HIVEP3: variants seen among roughly 807,000 people sequenced by gnomAD.
HIVEP3 encodes HIVEP zinc finger 3.
Under a neutral mutation model 152.8 loss-of-function variants are expected in HIVEP3, and 49 were observed. The ratio of observed to expected loss-of-function variants is 0.32; its 90% confidence interval spans 0.26 to 0.41. HIVEP3 has a LOEUF of 0.41. HIVEP3 is among the 10% of genes least tolerant of loss of function. The pLI, the probability that HIVEP3 is intolerant of heterozygous loss-of-function variation, is 1.00. For synonymous variants in HIVEP3, 1,269 were observed against 1,289.0 expected, an observed-to-expected ratio of 0.98 and a Z score of 0.33; for missense variants, 2,790 against 3,103.3, an observed-to-expected ratio of 0.90 and a Z score of 2.40.
At chr1:41,875,651 C>T (rs1380359823) in intron 1 of HIVEP3, among the ~76,000 whole-genome samples, 2 of 152,198 alleles carry the variant, frequency 1.3e-5, no homozygotes, top group African/African-American at 4.8e-5. Flanking sequence ...GCTGTGGGGC[C>T]TCCTTTCCCT....
chr1:41,940,268 G>C (rs1387849615), intron 1 of HIVEP3, among the ~76,000 whole-genome samples: 1 of 152,142 alleles, frequency 6.6e-6, no homozygotes, highest in Non-Finnish European at 1.5e-5. Context: ...TGATGAGTGA[G>C]TCATTAAGTT....
At chr1:41,723,725 A>G (rs1343669785) in intron 1 of HIVEP3, among the ~76,000 whole-genome samples, 1 of 152,246 alleles carries the variant, frequency 6.6e-6, no homozygotes, top group Non-Finnish European at 1.5e-5. Context: ...AATGATAAGT[A>G]ATAACTTTGT....
At chr1:41,724,130 T>C (rs1238635763) in intron 1 of HIVEP3, among the ~76,000 whole-genome samples, 1 of 152,202 alleles carries the variant, frequency 6.6e-6, no homozygotes, top group Non-Finnish European at 1.5e-5. Context: ...TAGCTTGAAG[T>C]AGTGTCTTGG....
At chr1:41,595,476 T>C (rs1644651772) in intron 3 of HIVEP3, among the ~76,000 whole-genome samples, 1 of 151,922 alleles carries the variant, frequency 6.6e-6, no homozygotes, top group Non-Finnish European at 1.5e-5. Context: ...GAGAAAGGAG[T>C]CTGGAGACTA....
At chr1:42,025,720 C>T (rs72953226) in intron 1 of HIVEP3, among the ~76,000 whole-genome samples, 2,052 of 152,226 alleles carry the variant, frequency 0.013, 49 homozygotes, top group African/African-American at 0.046. Flanking sequence ...CTACCTTAAA[C>T]GAAGTTCATA....
chr1:41,643,032 C>T (rs534753252), intron 2 of HIVEP3, among the ~76,000 whole-genome samples: 8 of 152,174 alleles, frequency 5.3e-5, no homozygotes, highest in African/African-American at 1.4e-4. Context: ...TAAGTTCCTA[C>T]GCCCATGAGC....
chr1:42,001,820 G>A (rs1285556100), intron 1 of HIVEP3, among the ~76,000 whole-genome samples: 24 of 152,050 alleles, frequency 1.6e-4, no homozygotes. Context: ...TAAGTCTCCG[G>A]GGTATCTCAC....
chr1:41,766,445 C>T (rs888824809), intron 1 of HIVEP3, among the ~76,000 whole-genome samples: 1 of 152,200 alleles, frequency 6.6e-6, no homozygotes, highest in Admixed American at 6.5e-5. Flanking sequence ...CAATACCTGC[C>T]ATTAATTGAG....
chr1:41,974,140 G>A (rs1377213425), intron 1 of HIVEP3, among the ~76,000 whole-genome samples: 3 of 152,122 alleles, frequency 2.0e-5, no homozygotes, highest in Non-Finnish European at 4.4e-5. Flanking sequence ...TGGAGGTAGA[G>A]ACTGGAAAAA....
chr1:41,671,693 C>T lies in HIVEP3; in HGVS notation c.-721+29223G>A, dbSNP rs538659936. ...GGAGTGGCTTTTATCCATCCCCACA[C>T]CCACAGCTCCCAGCGCAGACCCCGA... On this transcript the variant is annotated intron_variant, in intron 2 of 8. Transcript: ENST00000372583. Among the ~76,000 whole-genome samples, 9 of 152,346 alleles carry T rather than the reference C, an allele frequency of 5.9e-5. No individual in the cohort carries two copies. In the South Asian group the frequency reaches 1.7e-3, roughly 28 times the overall value.
At chr1:41,808,291 C>A (rs548163527) in intron 1 of HIVEP3, among the ~76,000 whole-genome samples, 39 of 152,386 alleles carry the variant, frequency 2.6e-4, no homozygotes, top group African/African-American at 9.1e-4. Context: ...CCAAAGACCA[C>A]AAAATGCCTT....
chr1:42,019,089 ATAGGGCCATTTGTCTAT>A (rs1270044140), intron 1 of HIVEP3, among the ~76,000 whole-genome samples: 3 of 152,052 alleles, frequency 2.0e-5, no homozygotes, highest in African/African-American at 7.2e-5. Context: ...TTCCTCCCCA[ATAGGGCCATTTGTCTAT>A]TTTAGCACAG....
chr1:41,798,645 T>C (rs146066183), intron 1 of HIVEP3, among the ~76,000 whole-genome samples: 56 of 152,358 alleles, frequency 3.7e-4, no homozygotes, highest in Non-Finnish European at 6.5e-4. Flanking sequence ...AATTAAAAAA[T>C]GTATTTTTGC....
intron 1 of HIVEP3, among the ~76,000 whole-genome samples, chr1:41,757,091 AATTATT>A (rs147789740): frequency 0.47 from 64,184 of 136,304 alleles, 17,618 homozygotes; most frequent in Non-Finnish European, 0.62. Context: ...GTCTCTAAAA[AATTATT>A]ATTATTATTA....
At chr1:41,926,102 C>T (rs1449425743) in intron 1 of HIVEP3, among the ~76,000 whole-genome samples, 1 of 151,844 alleles carries the variant, frequency 6.6e-6, no homozygotes, top group Non-Finnish European at 1.5e-5. Context: ...GCCATTTCAC[C>T]CTATACTGTT....
At chr1:41,543,623 C>T (rs1643586705) in intron 5 of HIVEP3, 1 of 152,268 alleles carries the variant, frequency 6.6e-6, no homozygotes, top group Non-Finnish European at 1.5e-5. Flanking sequence ...GACCCCTCAA[C>T]ACCTGGGGGC....
chr1:41,965,988 A>C (rs1472440718), intron 1 of HIVEP3, among the ~76,000 whole-genome samples: 1 of 152,190 alleles, frequency 6.6e-6, no homozygotes, highest in African/African-American at 2.4e-5. Flanking sequence ...GAGAAAAGCC[A>C]GGTCACCTAC....
chr1:41,713,162 C>T (rs144999666), intron 1 of HIVEP3, among the ~76,000 whole-genome samples: 2,234 of 152,316 alleles, frequency 0.015, 26 homozygotes, highest in Non-Finnish European at 0.018. Flanking sequence ...TTGGTAGGCA[C>T]GGACACCTTC....
At chr1:41,843,679 C>T (rs993623668) in intron 1 of HIVEP3, among the ~76,000 whole-genome samples, 4 of 152,160 alleles carry the variant, frequency 2.6e-5, no homozygotes, top group Non-Finnish European at 5.9e-5. Context: ...GAAAAGGCTT[C>T]TATTCATGTT....
Sources: allele counts gnomAD v4.1 joint callset (sites outside exome capture counted in the v4.1 genomes callset), GRCh38; gene constraint gnomAD v4.1.1; transcripts MANE v1.5; gene names NCBI Gene and HGNC (gene_info 2026-07-23, HGNC 2026-07-21).